UNC13C: variants seen among roughly 807,000 people sequenced by gnomAD.
The protein encoded by UNC13C is unc-13 homolog C, also known as protein unc-13 homolog C.
A neutral mutation model predicts 245.4 loss-of-function variants in UNC13C; 174 were observed. The ratio of observed to expected loss-of-function variants is 0.71; its 90% confidence interval spans 0.63 to 0.80. UNC13C has a LOEUF of 0.80. Ranked by LOEUF, UNC13C falls within the 30% of genes least tolerant of loss-of-function variation. The probability of loss-of-function intolerance (pLI) is 0.00; values close to 1 mark genes in which losing one functional copy is unlikely to be tolerated. For synonymous variants in UNC13C, 992 were observed against 895.1 expected, an observed-to-expected ratio of 1.11 and a Z score of -1.93; for missense variants, 2,829 against 2,602.9, an observed-to-expected ratio of 1.09 and a Z score of -1.89.
At chr15:54,280,510 T>C (rs376736951) in intron 10 of UNC13C, among the ~76,000 whole-genome samples, 53 of 151,416 alleles carry the variant, frequency 3.5e-4, no homozygotes, top group African/African-American at 1.2e-3. Flanking sequence ...GATACAGCTA[T>C]CACAATAAGA....
chr15:53,891,682 C>A, the UNC13C span, among the ~76,000 whole-genome samples: 2 of 152,104 alleles, frequency 1.3e-5, no homozygotes. Context: ...AGGATTGCAA[C>A]TCCTGCTCTT....
At chr15:54,390,416 G>A (rs762889043) in intron 17 of UNC13C, among the ~76,000 whole-genome samples, 1 of 151,856 alleles carries the variant, frequency 6.6e-6, no homozygotes, top group African/African-American at 2.4e-5. Context: ...CCTATAACCT[G>A]GCAACTTTCC....
chr15:53,840,100 G>T, the UNC13C span, among the ~76,000 whole-genome samples: 2 of 152,024 alleles, frequency 1.3e-5, no homozygotes, highest in African/African-American at 4.8e-5. Context: ...TTACAGTTAG[G>T]TGTCTCTGCT....
intron 13 of UNC13C, chr15:54,320,719 A>G (rs2038132468): frequency 5.3e-6 from 2 of 378,766 alleles, no homozygotes; most frequent in Admixed American, 2.9e-5. Flanking sequence ...GTTTCCTGGC[A>G]GTAATTAAGA....
intron 2 of UNC13C, among the ~76,000 whole-genome samples, chr15:54,033,939 T>G (rs755913515): frequency 6.6e-6 from 1 of 152,228 alleles, no homozygotes; most frequent in Non-Finnish European, 1.5e-5. Flanking sequence ...CAGTGGGGTT[T>G]CATCACAGGG....
chr15:54,299,717 T>G (rs1322498762), intron 12 of UNC13C, among the ~76,000 whole-genome samples: 2 of 152,152 alleles, frequency 1.3e-5, no homozygotes, highest in African/African-American at 4.8e-5. Context: ...ACAAGTATCA[T>G]TTGCATCAGG....
chr15:54,626,730 G>T (rs1406456327), intron 32 of UNC13C, 98 bp from the exon 33 acceptor site: 1 of 1,082,424 alleles, frequency 9.2e-7, no homozygotes, highest in Non-Finnish European at 1.3e-6. Flanking sequence ...ATAATAATCA[G>T]ATCCAATGTA....
At chr15:54,169,598 A>G (rs1030022983) in intron 4 of UNC13C, among the ~76,000 whole-genome samples, 3 of 152,088 alleles carry the variant, frequency 2.0e-5, no homozygotes, top group African/African-American at 7.2e-5. Context: ...GCCTCATTTC[A>G]TGCCTCTCTT....
the UNC13C span, among the ~76,000 whole-genome samples, chr15:53,889,999 T>C: frequency 6.6e-6 from 1 of 152,208 alleles, no homozygotes; most frequent in Non-Finnish European, 1.5e-5. Flanking sequence ...ATCAGGGATA[T>C]TGATCTGAAA....
chr15:54,479,580 T>C (rs1197112046), intron 19 of UNC13C, among the ~76,000 whole-genome samples: 1 of 152,176 alleles, frequency 6.6e-6, no homozygotes, highest in East Asian at 1.9e-4. Flanking sequence ...AGGTTATCAT[T>C]GTTAGGTGAT....
At chr15:54,383,365 T>C (rs75695333) in intron 17 of UNC13C, among the ~76,000 whole-genome samples, 7,352 of 152,190 alleles carry the variant, frequency 0.048, 256 homozygotes, top group Admixed American at 0.11. Flanking sequence ...ATCCCAAGGA[T>C]GGTAGCATAG....
chr15:53,869,590 C>T, the UNC13C span, among the ~76,000 whole-genome samples: 69 of 152,168 alleles, frequency 4.5e-4, 1 homozygote, highest in South Asian at 4.2e-4. Context: ...TTCTTACATG[C>T]GGGGGCTGTC....
chr15:54,396,618 C>A (rs781148378), intron 18 of UNC13C, among the ~76,000 whole-genome samples: 8 of 151,334 alleles, frequency 5.3e-5, no homozygotes, highest in Non-Finnish European at 5.9e-5. Context: ...TATTGAGTTA[C>A]GTGGTAAGTA....
chr15:54,522,706 A>G (rs1895274130), intron 24 of UNC13C, among the ~76,000 whole-genome samples: 3 of 152,212 alleles, frequency 2.0e-5, no homozygotes, highest in Admixed American at 2.0e-4. Context: ...GGGGAATTAA[A>G]TCTGTCTTGA....
intron 30 of UNC13C, among the ~76,000 whole-genome samples, chr15:54,610,147 G>T (rs1315524070): frequency 1.3e-5 from 2 of 152,080 alleles, no homozygotes; most frequent in Admixed American, 6.5e-5. Flanking sequence ...ATACAAAAGA[G>T]TTCCTTCACT....
At chr15:54,272,041 A>G (rs1246698802) in intron 10 of UNC13C, among the ~76,000 whole-genome samples, 1 of 152,228 alleles carries the variant, frequency 6.6e-6, no homozygotes, top group Admixed American at 6.5e-5. Flanking sequence ...CCTGAATACC[A>G]GTACTATTCT....
chr15:54,411,443 G>A (rs1397003336), intron 18 of UNC13C, among the ~76,000 whole-genome samples: 1 of 152,076 alleles, frequency 6.6e-6, no homozygotes, highest in Non-Finnish European at 1.5e-5. Context: ...TTTCTACTAT[G>A]TTTTCTTTCA....
At chr15:54,047,858 T>A (rs1185909959) in intron 2 of UNC13C, among the ~76,000 whole-genome samples, 2 of 152,140 alleles carry the variant, frequency 1.3e-5, no homozygotes, top group African/African-American at 4.8e-5. Context: ...TGTTTTATTA[T>A]CAGCATTCAT....
rs867292263 is a variant in UNC13C, at chr15:54,349,684, T to A, written c.4713+11195T>A. On this transcript the variant is annotated intron_variant, in intron 17 of 32. Transcript: ENST00000260323. ...CATTGGAACCTTCATGCACTTTCAG[T>A]TGGCAAGTAAGCCGGGAGCCAGTAA... is the stretch of plus-strand genomic sequence containing the variant. Among the ~76,000 whole-genome samples, 32 of 152,334 alleles carry A rather than the reference T, an allele frequency of 2.1e-4. No homozygotes were observed. In the Middle Eastern group the frequency reaches 0.014, roughly 65 times the overall value.
Sources: allele counts gnomAD v4.1 joint callset (sites outside exome capture counted in the v4.1 genomes callset), GRCh38; gene constraint gnomAD v4.1.1; transcripts MANE v1.5; gene names NCBI Gene and HGNC (gene_info 2026-07-23, HGNC 2026-07-21).